The following AASDHPPT variants were observed in gnomAD, a reference collection of about 807,000 sequenced individuals.
AASDHPPT encodes L-aminoadipate-semialdehyde dehydrogenase-phosphopantetheinyl transferase.
In AASDHPPT, 23 loss-of-function variants were observed where a neutral mutation model predicts 36.4. The observed-to-expected ratio is 0.63, with a 90% CI of 0.45 to 0.89. The LOEUF (loss-of-function observed/expected upper bound fraction) is 0.89, where lower values mean the gene tolerates loss of function less well. AASDHPPT is among the 40% of genes least tolerant of loss of function. The probability of loss-of-function intolerance (pLI) is 0.00; values close to 1 mark genes in which losing one functional copy is unlikely to be tolerated. For missense variants in AASDHPPT, 377 were observed against 378.2 expected, an observed-to-expected ratio of 1.00 and a Z score of 0.03; for synonymous variants, 115 against 128.0, an observed-to-expected ratio of 0.90 and a Z score of 0.68.
intron 2 of AASDHPPT, among the ~76,000 whole-genome samples, chr11:106,081,659 T>G (rs571368139): frequency 6.6e-6 from 1 of 152,148 alleles, no homozygotes; most frequent in Non-Finnish European, 1.5e-5. Context: ...TGGTATCTGC[T>G]TGGAAATGAT....
Position 106,082,272 on chromosome 11 carries a change from A to G in AASDHPPT, c.409+2580A>G, listed in dbSNP as rs542631974. ...TTACCATGCTACTGATTCCTGAAGCATCAATGGACACAGCATGATTTCTTA... is the reference window on the plus strand; with the variant it reads ...TTACCATGCTACTGATTCCTGAAGCGTCAATGGACACAGCATGATTTCTTA... On this transcript the variant is annotated intron_variant, in intron 2 of 5. Transcript: ENST00000278618. Among the ~76,000 whole-genome samples, 224 of 152,344 alleles carry G rather than the reference A, an allele frequency of 1.5e-3. 2 individuals carry two copies. The highest frequency in any genetic ancestry group is 5.3e-3 in the African/African-American group (219 of 41,578).
At chr11:106,093,460 A>G (rs1176366286) in intron 4 of AASDHPPT, 1 of 152,200 alleles carries the variant, frequency 6.6e-6, no homozygotes, top group Non-Finnish European at 1.5e-5. Context: ...ACAGGGCTAC[A>G]TAGCAGACTT....
At position 106,077,754 on chromosome 11, in the gene AASDHPPT, A is replaced by C. The variant is rs774946363; in HGVS notation, c.44A>C (p.Glu15Ala). ...CGGTTCTGCTTGGTGCCATCCATGG[A>C]GGGCGTGCGCTGGGCCTTTTCCTGC... ...AKRFCLVPSMEGVRWAFSCGT... is the reference protein window; with the variant it reads ...AKRFCLVPSMAGVRWAFSCGT... The change falls in exon 1 of 6, where the codon GAG becomes GCG. Residue 15 changes from glutamate to alanine, a missense_variant. Physicochemically the swap from Glu to Ala is moderately radical, Grantham distance 107 (BLOSUM62 -1). Transcript: ENST00000278618. 2 of 1,613,866 alleles carry C rather than the reference A, an allele frequency of 1.2e-6. No homozygotes were observed. The highest frequency in any genetic ancestry group is 1.7e-6 in the Non-Finnish European group (2 of 1,179,982).
At chr11:106,080,267 A>G (rs1861123858) in intron 2 of AASDHPPT, among the ~76,000 whole-genome samples, 1 of 152,166 alleles carries the variant, frequency 6.6e-6, no homozygotes, top group South Asian at 2.1e-4. Context: ...CAGGTTCCAT[A>G]GGGCCGCATG....
chr11:106,083,215 A>C (rs767351620), intron 2 of AASDHPPT, among the ~76,000 whole-genome samples: 1 of 152,172 alleles, frequency 6.6e-6, no homozygotes, highest in Non-Finnish European at 1.5e-5. Flanking sequence ...TGATTGTGTA[A>C]CTAGTATTTA....
At chr11:106,083,162 C>T (rs757016075) in intron 2 of AASDHPPT, among the ~76,000 whole-genome samples, 9 of 152,108 alleles carry the variant, frequency 5.9e-5, no homozygotes, top group Non-Finnish European at 8.8e-5. Flanking sequence ...AGTTTTCCTC[C>T]TTCCCAGTTA....
chr11:106,097,697 T>G lies in AASDHPPT; in HGVS notation c.*790T>G, dbSNP rs901101428. 4 of 152,106 alleles carry G rather than the reference T, an allele frequency of 2.6e-5. No individual in the cohort carries two copies. Among genetic ancestry groups the G allele is most frequent in the Non-Finnish European group, 5.9e-5 (4 of 67,992 alleles). 9.4% of individuals were successfully genotyped at this position (152,106 alleles called of 1,614,324 possible). Reference sequence around the variant, plus strand: ...CATTTGTTTTATCCATGAGGAAGATTTTTAACAAAAGCCTCCAGAAGATTT... The same window carrying G: ...CATTTGTTTTATCCATGAGGAAGATGTTTAACAAAAGCCTCCAGAAGATTT... On this transcript the variant is annotated 3_prime_UTR_variant, in exon 6 of 6. Transcript: ENST00000278618.
At position 106,097,894 on chromosome 11, in the gene AASDHPPT, CT is replaced by C. The variant is rs1480670063; in HGVS notation, c.*993del. ...AGAAAGGTTTACCATAATTTACTCA[CT>C]TTTTTCTGTGTTAGACATTTTGATT... On this transcript the variant is annotated 3_prime_UTR_variant, in exon 6 of 6. Transcript: ENST00000278618. 6.6e-6 allele frequency: 1 copy of C among 152,106 alleles called. No homozygotes were observed. Among genetic ancestry groups the C allele is most frequent in the Non-Finnish European group, 1.5e-5 (1 of 67,994 alleles). 9.4% of individuals were successfully genotyped at this position (152,106 alleles called of 1,614,324 possible).
In AASDHPPT at chr11:106,097,651, A is replaced by G. The variant is rs1445964295; in HGVS notation, c.*744A>G. On this transcript the variant is annotated 3_prime_UTR_variant, in exon 6 of 6. Coordinates refer to ENST00000278618, the MANE Select transcript of AASDHPPT (RefSeq NM_015423.3). The stretch of plus-strand genomic sequence containing the variant: ...CTTTGTAAAATTGTATCTCAAAGGC[A>G]GAAAAGGCCATTTCGTCTCTCATTT... 2 of 152,178 alleles carry G rather than the reference A, an allele frequency of 1.3e-5. No homozygotes were observed. Among genetic ancestry groups the G allele is most frequent in the East Asian group, 3.8e-4 (2 of 5,198 alleles). The allele number at this position is 152,178 out of a possible 1,614,324, so 9.4% of individuals were successfully genotyped here.
intron 2 of AASDHPPT, among the ~76,000 whole-genome samples, chr11:106,084,120 A>G: frequency 6.6e-6 from 1 of 152,236 alleles, no homozygotes; most frequent in Non-Finnish European, 1.5e-5. Context: ...AATGCAAATT[A>G]AAGTAACAGT....
rs756941306 is a variant in AASDHPPT, at chr11:106,077,705, C to T, written c.-6C>T. ...CCGAGATAGCGGCGAGGTCCGCTTTCAGTGTATGGTTTTCCCTGCCAAACG... is the reference window on the plus strand; with the variant it reads ...CCGAGATAGCGGCGAGGTCCGCTTTTAGTGTATGGTTTTCCCTGCCAAACG... On this transcript the variant is annotated 5_prime_UTR_variant, in exon 1 of 6. Transcript: ENST00000278618. The T allele has an allele frequency of 1.2e-6, 2 of 1,608,710 alleles. No homozygotes were observed. Among genetic ancestry groups the T allele is most frequent in the East Asian group, 2.2e-5 (1 of 44,626 alleles).
At chr11:106,088,989 A>G (rs892326673) in intron 2 of AASDHPPT, among the ~76,000 whole-genome samples, 1 of 152,056 alleles carries the variant, frequency 6.6e-6, no homozygotes, top group African/African-American at 2.4e-5. Context: ...GATTTTTAAT[A>G]TACTCTACCC....
At chr11:106,084,914 C>T (rs1050043183) in intron 2 of AASDHPPT, among the ~76,000 whole-genome samples, 11 of 151,982 alleles carry the variant, frequency 7.2e-5, no homozygotes, top group African/African-American at 2.4e-4. Context: ...CACACCTGGC[C>T]GGGTTTCCAT....
chr11:106,085,536 C>G (rs1356004531), intron 2 of AASDHPPT, among the ~76,000 whole-genome samples: 1 of 152,264 alleles, frequency 6.6e-6, no homozygotes, highest in East Asian at 1.9e-4. Context: ...TTTCACAAAC[C>G]AGAGAATATA....
intron 2 of AASDHPPT, among the ~76,000 whole-genome samples, chr11:106,083,506 G>A (rs1861165513): frequency 6.6e-6 from 1 of 152,134 alleles, no homozygotes; most frequent in African/African-American, 2.4e-5. Context: ...ATTTAAAGTT[G>A]TTATGGAAGA....
At chr11:106,078,993 T>G (rs1861100134) in intron 1 of AASDHPPT, among the ~76,000 whole-genome samples, 1 of 152,160 alleles carries the variant, frequency 6.6e-6, no homozygotes, top group African/African-American at 2.4e-5. Context: ...TGACAGCAAG[T>G]CTAGAGCCAG....
At chr11:106,094,919 A>G (rs1861297831) in intron 5 of AASDHPPT, among the ~76,000 whole-genome samples, 1 of 152,172 alleles carries the variant, frequency 6.6e-6, no homozygotes, top group Non-Finnish European at 1.5e-5. Context: ...TGAGGTCAGG[A>G]GTTCCAGACC....
intron 4 of AASDHPPT, 191 bp downstream of exon 4, chr11:106,091,668 G>C (rs2135043800): frequency 6.1e-6 from 3 of 494,040 alleles, no homozygotes; most frequent in Non-Finnish European, 1.0e-5. Context: ...GTTGAAAGAT[G>C]AGTCATTGTG....
rs773121274 is a variant in AASDHPPT at position 106,097,150 on chromosome 11, T to TA, written c.*244dup. 2.7e-5 allele frequency: 10 copies of TA among 369,664 alleles called. No homozygotes were observed. Among genetic ancestry groups the TA allele is most frequent in the East Asian group, 1.1e-4 (2 of 18,926 alleles). 22.9% of individuals were successfully genotyped at this position (369,664 alleles called of 1,614,324 possible). On this transcript the variant is annotated 3_prime_UTR_variant, in exon 6 of 6. Transcript: ENST00000278618. Reference sequence around the variant, plus strand: ...GAAGGATGGCGGAATCTTAAAGTGATACATGCTAACTGTAGAAAAAAATAG... The same window carrying TA: ...GAAGGATGGCGGAATCTTAAAGTGATAACATGCTAACTGTAGAAAAAAATAG...
Sources: allele counts gnomAD v4.1 joint callset (sites outside exome capture counted in the v4.1 genomes callset), GRCh38; gene constraint gnomAD v4.1.1; transcripts MANE v1.5; gene names NCBI Gene and HGNC (gene_info 2026-07-23, HGNC 2026-07-21).